Variants in GCSAML observed in about 807,000 individuals in gnomAD.
GCSAML encodes germinal center-associated signaling and motility-like protein.
GCSAML carries 9 observed loss-of-function variants against 13.0 expected under a neutral mutation model. That is an observed-to-expected ratio of 0.69 (90% CI 0.42 to 1.21). The LOEUF (loss-of-function observed/expected upper bound fraction) is 1.21, where lower values mean the gene tolerates loss of function less well. Ranked by LOEUF, GCSAML falls within the 50% of genes most tolerant of loss-of-function variation. GCSAML has a pLI of 0.00. For missense variants in GCSAML, 143 were observed against 153.4 expected (o/e 0.93, Z 0.36); for synonymous variants, 37 against 52.9 (o/e 0.70, Z 1.31).
At chr1:247,552,167 G>A (rs778578953) in intron 1 of GCSAML, among the ~76,000 whole-genome samples, 27 of 152,204 alleles carry the variant, frequency 1.8e-4, no homozygotes, top group Non-Finnish European at 2.9e-4. Context: ...AGGAGGGCAG[G>A]AGAAAGAGAG....
At chr1:247,538,234 A>G (rs964428617) in intron 2 of GCSAML, among the ~76,000 whole-genome samples, 3 of 152,210 alleles carry the variant, frequency 2.0e-5, no homozygotes, top group African/African-American at 7.2e-5. Context: ...TGAACTGGAT[A>G]TATGTGTTGA....
chr1:247,517,450 G>A (rs1046170810), intron 1 of GCSAML, among the ~76,000 whole-genome samples: 4 of 152,194 alleles, frequency 2.6e-5, no homozygotes, highest in African/African-American at 4.8e-5. Flanking sequence ...AGAGCTGATC[G>A]TATTAATTGA....
At chr1:247,561,585 T>A (rs1308002700) in intron 2 of GCSAML, among the ~76,000 whole-genome samples, 2 of 152,146 alleles carry the variant, frequency 1.3e-5, no homozygotes, top group Non-Finnish European at 2.9e-5. Context: ...AATATAAAAA[T>A]GTTATTCTCT....
chr1:247,570,740 T>A (rs1668573898), intron 4 of GCSAML, among the ~76,000 whole-genome samples: 1 of 152,216 alleles, frequency 6.6e-6, no homozygotes, highest in African/African-American at 2.4e-5. Flanking sequence ...GGTCCAGAGC[T>A]GAGTTCAAGT....
intron 2 of GCSAML, chr1:247,530,524 C>CG (rs1478748264): frequency 7.1e-6 from 1 of 141,652 alleles, no homozygotes; most frequent in Non-Finnish European, 1.6e-5. Context: ...CCATCCCCCC[C>CG]CCACAAAATA....
chr1:247,520,107 T>C (rs1666361673), intron 1 of GCSAML, among the ~76,000 whole-genome samples: 1 of 152,220 alleles, frequency 6.6e-6, no homozygotes, highest in Admixed American at 6.5e-5. Context: ...AAAGGTGCGC[T>C]TCTCTGATTA....
intron 2 of GCSAML, chr1:247,530,959 G>C (rs1418841909): frequency 6.5e-6 from 1 of 153,134 alleles, no homozygotes. Flanking sequence ...GGGTTGGGCC[G>C]GGAGACCCGC....
chr1:247,572,065 T>C (rs1234053611), intron 4 of GCSAML, among the ~76,000 whole-genome samples: 1 of 152,194 alleles, frequency 6.6e-6, no homozygotes, highest in Admixed American at 6.5e-5. Flanking sequence ...GTCATTTATG[T>C]TTTTCTCTAA....
intron 2 of GCSAML, among the ~76,000 whole-genome samples, chr1:247,562,724 G>A (rs1478256622): frequency 1.3e-5 from 2 of 151,966 alleles, no homozygotes; most frequent in Non-Finnish European, 2.9e-5. Context: ...GTGATATGCT[G>A]GCAACCCCAT....
intron 2 of GCSAML, 88 bp downstream of exon 2, chr1:247,556,554 A>G (rs1432511570): frequency 3.4e-6 from 3 of 885,868 alleles, no homozygotes; most frequent in African/African-American, 1.7e-5. Flanking sequence ...CCCCACTAGA[A>G]CTAACACCCC....
intron 2 of GCSAML, among the ~76,000 whole-genome samples, chr1:247,563,326 G>T (rs901205145): frequency 4.6e-5 from 7 of 152,072 alleles, no homozygotes; most frequent in African/African-American, 1.7e-4. Flanking sequence ...TGTTTTCCAT[G>T]CGTGTAATAA....
At chr1:247,543,656 C>G (rs187776571) in intron 2 of GCSAML, among the ~76,000 whole-genome samples, 1 of 152,096 alleles carries the variant, frequency 6.6e-6, no homozygotes, top group Non-Finnish European at 1.5e-5. Context: ...AACAAATACC[C>G]AAACTAAGAT....
At chr1:247,544,142 TAG>T (rs1271676453), upstream of GCSAML, among the ~76,000 whole-genome samples, 1 of 152,136 alleles carries the variant, frequency 6.6e-6, no homozygotes, top group Non-Finnish European at 1.5e-5. Context: ...TGTGAGGTTG[TAG>T]AGAGAGAGCT....
upstream of GCSAML, among the ~76,000 whole-genome samples, chr1:247,546,119 C>T (rs1288395457): frequency 6.8e-6 from 1 of 146,684 alleles, no homozygotes; most frequent in Non-Finnish European, 1.5e-5. Context: ...AATATATCAA[C>T]AAAGCTAGGA....
intron 2 of GCSAML, among the ~76,000 whole-genome samples, chr1:247,543,554 A>G (rs11808063): frequency 0.29 from 44,017 of 152,026 alleles, 6,569 homozygotes; most frequent in Middle Eastern, 0.39. Flanking sequence ...GGAACACTGT[A>G]TTATAGTAAT....
chr1:247,561,272 A>C (rs1331144103), intron 2 of GCSAML, among the ~76,000 whole-genome samples: 1 of 152,128 alleles, frequency 6.6e-6, no homozygotes, highest in Non-Finnish European at 1.5e-5. Context: ...AAACTGATAG[A>C]GCATACTTGT....
intron 1 of GCSAML, among the ~76,000 whole-genome samples, chr1:247,517,085 T>C (rs919825022): frequency 6.6e-6 from 1 of 152,196 alleles, no homozygotes; most frequent in Non-Finnish European, 1.5e-5. Context: ...ATTCCTTGCT[T>C]TTCTGCTCTT....
chr1:247,513,273 A>G (rs1039036334), intron 1 of GCSAML, among the ~76,000 whole-genome samples: 2 of 152,122 alleles, frequency 1.3e-5, no homozygotes, highest in African/African-American at 4.8e-5. Context: ...GTGGACTCAG[A>G]CCAGTTCAAA....
intron 4 of GCSAML, 52 bp downstream of exon 4, chr1:247,566,011 G>A (rs1201529870): frequency 7.5e-7 from 1 of 1,334,186 alleles, no homozygotes; most frequent in Non-Finnish European, 1.0e-6. Context: ...CTTTTATTAT[G>A]TTTGTCTGAT....
Sources: allele counts gnomAD v4.1 joint callset (sites outside exome capture counted in the v4.1 genomes callset), GRCh38; gene constraint gnomAD v4.1.1; transcripts MANE v1.5; gene names NCBI Gene and HGNC (gene_info 2026-07-23, HGNC 2026-07-21).